The following ABCC1 variants were observed in gnomAD, a reference collection of about 807,000 sequenced individuals.
ABCC1 encodes the protein multidrug resistance-associated protein 1.
A neutral mutation model predicts 172.9 loss-of-function variants in ABCC1; 83 were observed. The observed-to-expected ratio is 0.48, with a 90% CI of 0.40 to 0.58. The LOEUF is 0.58. Among genes scored for constraint, ABCC1 ranks in the 20% least tolerant of loss-of-function variants. The probability of loss-of-function intolerance (pLI) is 0.00; values close to 1 mark genes in which losing one functional copy is unlikely to be tolerated. For synonymous variants in ABCC1, 937 were observed against 825.2 expected (o/e 1.14, Z -2.32); for missense variants, 1,817 against 2,002.7 (o/e 0.91, Z 1.77).
intron 1 of ABCC1, among the ~76,000 whole-genome samples, chr16:15,992,704 G>A (rs1420069899): frequency 1.3e-5 from 2 of 152,146 alleles, no homozygotes; most frequent in African/African-American, 2.4e-5. Flanking sequence ...CCTGGCCAGG[G>A]ACCACTGTCT....
At chr16:16,017,414 A>C (rs1567317593) in intron 5 of ABCC1, among the ~76,000 whole-genome samples, 1 of 151,672 alleles carries the variant, frequency 6.6e-6, no homozygotes, top group Non-Finnish European at 1.5e-5. Context: ...TTCTTTCTTC[A>C]ACTTTTATTT....
intron 12 of ABCC1, among the ~76,000 whole-genome samples, chr16:16,057,699 G>A (rs1482374709): frequency 6.6e-6 from 1 of 152,128 alleles, no homozygotes; most frequent in Non-Finnish European, 1.5e-5. Flanking sequence ...GAATCATACT[G>A]TACATAGTGT....
At chr16:16,122,607 G>A (rs1462434605) in intron 24 of ABCC1, among the ~76,000 whole-genome samples, 1 of 151,548 alleles carries the variant, frequency 6.6e-6, no homozygotes. Flanking sequence ...TGGGCCAGAT[G>A]TCATGGCTCA....
chr16:15,984,504 G>A lies in ABCC1; in HGVS notation c.49-23312G>A, dbSNP rs147616113. ...TGTCAACAGGCTGGAGTGCAGTGGC[G>A]TGATCGTGGCTCACTGCATCCTCCG... On this transcript the variant is annotated intron_variant, in intron 1 of 30. Coordinates refer to ENST00000399410, the MANE Select transcript of ABCC1 (RefSeq NM_004996.4). 6.4e-3 allele frequency among the ~76,000 whole-genome samples: 954 copies of A among 149,944 alleles called. 10 individuals are homozygous for A. The highest frequency in any genetic ancestry group is 0.022 in the African/African-American group (875 of 40,604).
intron 1 of ABCC1, among the ~76,000 whole-genome samples, chr16:15,955,004 A>G (rs990618735): frequency 2.0e-5 from 3 of 151,926 alleles, no homozygotes; most frequent in Admixed American, 6.6e-5. Context: ...GCTGCTTTTC[A>G]TGGCTTCCCC....
At chr16:15,952,094 C>T (rs192315966) in intron 1 of ABCC1, among the ~76,000 whole-genome samples, 4 of 152,284 alleles carry the variant, frequency 2.6e-5, no homozygotes, top group Admixed American at 2.0e-4. Flanking sequence ...CCTCTGTGTG[C>T]CTCACTTTCC....
chr16:16,059,104 T>C (rs2049796578), intron 12 of ABCC1, among the ~76,000 whole-genome samples: 1 of 152,030 alleles, frequency 6.6e-6, no homozygotes, highest in Non-Finnish European at 1.5e-5. Context: ...GACACCGGAG[T>C]GGATCCTCAC....
chr16:16,104,226 A>AGGTGGCCACTGCTGGCTCT (rs1252562161), intron 20 of ABCC1, among the ~76,000 whole-genome samples: 1 of 152,190 alleles, frequency 6.6e-6, no homozygotes, highest in Non-Finnish European at 1.5e-5. Context: ...GTACCCCAGT[A>AGGTGGCCACTGCTGGCTCT]GGTGGCCACT....
In ABCC1 at chr16:16,121,991, C is replaced by T; in HGVS notation, c.3407C>T (p.Ser1136Phe). The T allele has an allele frequency of 6.2e-7, 1 of 1,614,220 alleles. No individual in the cohort carries two copies. The highest frequency in any genetic ancestry group is 1.1e-5 in the South Asian group (1 of 91,088). Reference sequence around the variant, plus strand: ...CTACCCCAGAGGTTCTACGTGGCTTCCTCCCGGCAGCTGAAGCGCCTCGAG... The same window carrying T: ...CTACCCCAGAGGTTCTACGTGGCTTTCTCCCGGCAGCTGAAGCGCCTCGAG... ...YFFVQRFYVA[S>F]SRQLKRLESV... Residue 1136 changes from serine (S) to phenylalanine (F), a missense_variant, in exon 24 of 31, where the codon TCC becomes TTC. This residue lies in a region of ABCC1 where 1,412 missense variants were observed against 1,600.3 expected (regional missense o/e 0.88). Coordinates refer to ENST00000399410, the MANE Select transcript of ABCC1 (RefSeq NM_004996.4).
At chr16:16,025,370 A>T (rs1440310234) in intron 5 of ABCC1, among the ~76,000 whole-genome samples, 5 of 152,230 alleles carry the variant, frequency 3.3e-5, no homozygotes, top group African/African-American at 1.2e-4. Flanking sequence ...GCTGGTCCCC[A>T]CCCACACAGT....
chr16:16,111,293 G>A, intron 21 of ABCC1, 82 bp from the exon 22 acceptor site: 1 of 1,194,066 alleles, frequency 8.4e-7, no homozygotes. Context: ...CACAGTGCTG[G>A]TGAAGCCCCC....
intron 1 of ABCC1, among the ~76,000 whole-genome samples, chr16:15,970,961 A>C (rs2046356175): frequency 6.6e-6 from 1 of 152,170 alleles, no homozygotes; most frequent in African/African-American, 2.4e-5. Context: ...AATCACTTCT[A>C]GTCTGCCTTA....
chr16:15,962,495 C>T (rs969150856), intron 1 of ABCC1, among the ~76,000 whole-genome samples: 13 of 152,056 alleles, frequency 8.5e-5, no homozygotes, highest in African/African-American at 3.1e-4. Flanking sequence ...GTTCATGCTG[C>T]TATGAAAAAA....
intron 19 of ABCC1, among the ~76,000 whole-genome samples, chr16:16,093,114 T>C (rs2051318909): frequency 6.6e-6 from 1 of 152,150 alleles, no homozygotes; most frequent in Non-Finnish European, 1.5e-5. Flanking sequence ...AAGTTCTACC[T>C]TGAGTCTAGC....
At chr16:16,103,902 G>A (rs959399791) in intron 20 of ABCC1, among the ~76,000 whole-genome samples, 5 of 152,156 alleles carry the variant, frequency 3.3e-5, no homozygotes, top group Admixed American at 1.3e-4. Flanking sequence ...GTTCTTAAAG[G>A]TGGCACGTCT....
chr16:16,123,847 AAAAAC>A (rs1434303063), intron 24 of ABCC1, among the ~76,000 whole-genome samples: 3 of 152,018 alleles, frequency 2.0e-5, no homozygotes, highest in South Asian at 4.1e-4. Context: ...CCCTGTCTCT[AAAAAC>A]AAAACAAAAA....
chr16:16,006,954 G>A (rs1299783987), intron 1 of ABCC1, among the ~76,000 whole-genome samples: 1 of 151,940 alleles, frequency 6.6e-6, no homozygotes, highest in Non-Finnish European at 1.5e-5. Context: ...AGTGATATTG[G>A]TGGTGGTGAT....
chr16:16,131,597 G>C (rs2045674701), intron 26 of ABCC1, among the ~76,000 whole-genome samples, 192 bp from the exon 27 acceptor site: 2 of 152,274 alleles, frequency 1.3e-5, no homozygotes, highest in South Asian at 4.1e-4. Context: ...AGGGTGCTCT[G>C]TATCGACCAG....
chr16:15,955,853 T>G (rs989594602), intron 1 of ABCC1, among the ~76,000 whole-genome samples: 1 of 152,226 alleles, frequency 6.6e-6, no homozygotes, highest in African/African-American at 2.4e-5. Context: ...TGTGTTTGTT[T>G]ACGGCTGTAA....
Sources: allele counts gnomAD v4.1 joint callset (sites outside exome capture counted in the v4.1 genomes callset), GRCh38; gene constraint gnomAD v4.1.1; regional missense constraint gnomAD v4.1.1; transcripts MANE v1.5; gene names NCBI Gene and HGNC (gene_info 2026-07-23, HGNC 2026-07-21).